Variants in TMEM30A observed in about 807,000 individuals in gnomAD.
TMEM30A encodes cell division cycle 50 P4-ATPase accessory subunit A.
A neutral mutation model predicts 38.2 loss-of-function variants in TMEM30A; 24 were observed. The ratio of observed to expected loss-of-function variants is 0.63; its 90% CI spans 0.46 to 0.88. The LOEUF is 0.88. Among genes scored for constraint, TMEM30A ranks in the 40% least tolerant of loss-of-function variants. The pLI is 0.00. For missense variants in TMEM30A, 370 were observed against 458.6 expected, an observed-to-expected ratio of 0.81 and a Z score of 1.77; for synonymous variants, 145 against 161.6, an observed-to-expected ratio of 0.90 and a Z score of 0.78.
In TMEM30A at chr6:75,253,578, T is replaced by C. The variant is rs909534413; in HGVS notation, c.*2524A>G. On this transcript the variant is annotated 3_prime_UTR_variant, in exon 7 of 7. Transcript: ENST00000230461. ...AAATGTAAGCAACAACACTGGAGCATTGTTATTTTATCAAGACACCTGAAC... is the reference window on the plus strand; with the variant it reads ...AAATGTAAGCAACAACACTGGAGCACTGTTATTTTATCAAGACACCTGAAC... 2 of 152,626 alleles carry C rather than the reference T, an allele frequency of 1.3e-5. No homozygotes were observed. The highest frequency in any genetic ancestry group is 2.4e-5 in the African/African-American group (1 of 41,450). The allele number at this position is 152,626 out of a possible 1,614,324, so 9.5% of individuals were successfully genotyped here.
chr6:75,278,623 G>C (rs146403094), intron 1 of TMEM30A, among the ~76,000 whole-genome samples: 1,524 of 152,222 alleles, frequency 0.01, 26 homozygotes, highest in Middle Eastern at 0.031. Flanking sequence ...CAGTAAAACA[G>C]AACCTCCATG....
intron 1 of TMEM30A, among the ~76,000 whole-genome samples, chr6:75,277,972 T>C (rs1307317931): frequency 6.6e-6 from 1 of 152,036 alleles, no homozygotes; most frequent in East Asian, 1.9e-4. Flanking sequence ...CCAAAACACA[T>C]TTATATGCTG....
chr6:75,284,247 A>T, intron 1 of TMEM30A, 155 bp downstream of exon 1: 2 of 734,850 alleles, frequency 2.7e-6, no homozygotes, highest in Non-Finnish European at 4.7e-6. Flanking sequence ...CCGCAGAAAG[A>T]GAAAGAAAAA....
At chr6:75,276,639 C>T (rs1772265072) in intron 1 of TMEM30A, among the ~76,000 whole-genome samples, 2 of 152,180 alleles carry the variant, frequency 1.3e-5, no homozygotes, top group South Asian at 4.2e-4. Flanking sequence ...AAATACCCTG[C>T]TTTACTCTTA....
intron 4 of TMEM30A, among the ~76,000 whole-genome samples, chr6:75,260,546 G>T (rs559646076): frequency 2.0e-5 from 3 of 152,264 alleles, no homozygotes; most frequent in Admixed American, 2.0e-4. Context: ...TGATAAAAAT[G>T]AAGTCAGTGG....
intron 6 of TMEM30A, among the ~76,000 whole-genome samples, chr6:75,258,332 T>G (rs1332498204): frequency 1.3e-5 from 2 of 152,180 alleles, no homozygotes; most frequent in Non-Finnish European, 2.9e-5. Flanking sequence ...AATAAAATGT[T>G]TTGATACTAC....
At chr6:75,269,917 T>C (rs1018551211) in intron 1 of TMEM30A, among the ~76,000 whole-genome samples, 1 of 152,076 alleles carries the variant, frequency 6.6e-6, no homozygotes, top group African/African-American at 2.4e-5. Flanking sequence ...ATGGTGTCTA[T>C]CTCTTGACCT....
rs921219975 is a variant in TMEM30A, at chr6:75,256,047, T to C, written c.*55A>G. The C allele has an allele frequency of 1.5e-5, 19 of 1,264,622 alleles. No individual in the cohort carries two copies. Among genetic ancestry groups the C allele is most frequent in the Admixed American group, 2.3e-5 (1 of 43,898 alleles). The allele number at this position is 1,264,622 out of a possible 1,614,324, so 78.3% of individuals were successfully genotyped here. The stretch of plus-strand genomic sequence containing the variant: ...CAGATATCAGCATTCGAAAGCTAGG[T>C]TGAATAGGACTGGCCTTGATGCACA... On this transcript the variant is annotated 3_prime_UTR_variant, in exon 7 of 7. Transcript: ENST00000230461.
At chr6:75,258,685 TA>T (rs1771910209) in intron 6 of TMEM30A, 94 bp downstream of exon 6, 1 of 1,128,690 alleles carries the variant, frequency 8.9e-7, no homozygotes, top group Non-Finnish European at 1.3e-6. Context: ...AGACCAAAAC[TA>T]AAGCACAAGG....
At chr6:75,259,318 T>C (rs757694804) in intron 5 of TMEM30A, 29 bp downstream of exon 5, 1 of 1,577,644 alleles carries the variant, frequency 6.3e-7, no homozygotes, top group Non-Finnish European at 8.6e-7. Flanking sequence ...CCTAGTTTAA[T>C]TTTTTAAGGG....
At chr6:75,277,416 AT>A (rs1442749331) in intron 1 of TMEM30A, among the ~76,000 whole-genome samples, 1 of 152,178 alleles carries the variant, frequency 6.6e-6, no homozygotes, top group Non-Finnish European at 1.5e-5. Flanking sequence ...CTCTCAAAAA[AT>A]GTTAGTCATT....
intron 6 of TMEM30A, among the ~76,000 whole-genome samples, chr6:75,256,932 T>C (rs945139714): frequency 2.0e-5 from 3 of 152,028 alleles, no homozygotes; most frequent in South Asian, 4.1e-4. Flanking sequence ...CATGGACCAG[T>C]TGTAGAATTT....
chr6:75,281,674 G>T (rs56321644), intron 1 of TMEM30A, among the ~76,000 whole-genome samples: 14,185 of 152,080 alleles, frequency 0.093, 739 homozygotes, highest in South Asian at 0.14. Context: ...TTGGATTTTT[G>T]ATTTTGGCAC....
rs1214212188 is a variant in TMEM30A at position 75,254,986 on chromosome 6, G to A, written c.*1116C>T. On this transcript the variant is annotated 3_prime_UTR_variant, in exon 7 of 7. Transcript: ENST00000230461. ...CCATAATTTAATTAGGAAATTTATA[G>A]AACATCTTTTTAAAGTATGTCTTAG... The A allele has an allele frequency of 6.6e-6, 1 of 152,452 alleles. No individual in the cohort carries two copies. Among genetic ancestry groups the A allele is most frequent in the Non-Finnish European group, 1.5e-5 (1 of 67,952 alleles). 9.4% of individuals were successfully genotyped at this position (152,452 alleles called of 1,614,324 possible). A position where few individuals can be genotyped will look rare whatever the true frequency, so the allele number is the denominator to read the frequency against.
chr6:75,261,567 G>T (rs1236371607), intron 3 of TMEM30A, among the ~76,000 whole-genome samples: 1 of 152,194 alleles, frequency 6.6e-6, no homozygotes, highest in East Asian at 1.9e-4. Flanking sequence ...TCTTAAAGAG[G>T]TGTGGCAGTT....
At chr6:75,264,967 G>T (rs1442112470) in intron 3 of TMEM30A, among the ~76,000 whole-genome samples, 5 of 151,530 alleles carry the variant, frequency 3.3e-5, no homozygotes, top group African/African-American at 1.2e-4. Flanking sequence ...GGGTGTGGTG[G>T]TATACACCTG....
At chr6:75,263,037 T>C (rs1238429278) in intron 3 of TMEM30A, among the ~76,000 whole-genome samples, 3 of 152,184 alleles carry the variant, frequency 2.0e-5, no homozygotes, top group East Asian at 3.9e-4. Flanking sequence ...GAAGAGGCTA[T>C]GTGAGTATTT....
At position 75,255,948 on chromosome 6, in the gene TMEM30A, T is replaced by G. The variant is rs951436779; in HGVS notation, c.*154A>C. 3.6e-6 allele frequency: 2 copies of G among 557,552 alleles called. No individual in the cohort carries two copies. The highest frequency in any genetic ancestry group is 6.3e-6 in the Non-Finnish European group (2 of 317,688). The allele number at this position is 557,552 out of a possible 1,614,324, so 34.5% of individuals were successfully genotyped here. The stretch of plus-strand genomic sequence containing the variant: ...GTCATATATTTTTAGAAGTCATCCG[T>G]AGGGAAGAAGCAAACAACAAAGACT... On this transcript the variant is annotated 3_prime_UTR_variant, in exon 7 of 7. Coordinates refer to ENST00000230461, the MANE Select transcript of TMEM30A (RefSeq NM_018247.4).
chr6:75,258,913 T>C lies in TMEM30A; in HGVS notation c.759A>G (p.Ile253Met). The change falls in exon 6 of 7, where the codon ATA becomes ATG. Residue 253 changes from isoleucine (I) to methionine (M), a missense_variant. Ile to Met is a conservative substitution (Grantham distance 10, BLOSUM62 1). Coordinates refer to ENST00000230461, the MANE Select transcript of TMEM30A (RefSeq NM_018247.4). ...GCATCCAAACAATAAAATCCTCATT[T>C]ATGAATCCATTATTATCTGGGTCAG... Reference protein sequence around the residue: ...LDSDPDNNGFINEDFIVWMRT... With the variant: ...LDSDPDNNGFMNEDFIVWMRT... 2 of 1,614,004 alleles carry C rather than the reference T, an allele frequency of 1.2e-6. No homozygotes were observed. Among genetic ancestry groups the C allele is most frequent in the Non-Finnish European group, 8.5e-7 (1 of 1,179,932 alleles).
Sources: allele counts gnomAD v4.1 joint callset (sites outside exome capture counted in the v4.1 genomes callset), GRCh38; gene constraint gnomAD v4.1.1; transcripts MANE v1.5; gene names NCBI Gene and HGNC (gene_info 2026-07-23, HGNC 2026-07-21).